The following OSBPL6 variants were observed in gnomAD, a reference collection of about 807,000 sequenced individuals.
OSBPL6 encodes oxysterol-binding protein-related protein 6.
In OSBPL6, 49 loss-of-function variants were observed where a neutral mutation model predicts 125.8. The ratio of observed to expected loss-of-function variants is 0.39; its 90% confidence interval spans 0.31 to 0.49. The LOEUF is 0.49. Ranked by LOEUF, OSBPL6 falls within the 20% of genes least tolerant of loss-of-function variation. OSBPL6 has a pLI of 0.88. For missense variants in OSBPL6, 986 were observed against 1,135.4 expected, an observed-to-expected ratio of 0.87 and a Z score of 1.89; for synonymous variants, 394 against 391.8, an observed-to-expected ratio of 1.01 and a Z score of -0.07.
chr2:178,310,887 C>G (rs1176265790), intron 3 of OSBPL6, among the ~76,000 whole-genome samples: 11 of 152,180 alleles, frequency 7.2e-5, no homozygotes, highest in Non-Finnish European at 2.9e-5. Context: ...CTTGCCACCT[C>G]CTCCCCCTCC....
intron 1 of OSBPL6, among the ~76,000 whole-genome samples, chr2:178,272,519 T>G (rs921806069): frequency 6.6e-6 from 1 of 152,190 alleles, no homozygotes; most frequent in African/African-American, 2.4e-5. Context: ...TTATCTAATT[T>G]GGAAGTATAT....
At chr2:178,233,165 C>T (rs1022006160) in intron 1 of OSBPL6, among the ~76,000 whole-genome samples, 1 of 152,164 alleles carries the variant, frequency 6.6e-6, no homozygotes, top group Non-Finnish European at 1.5e-5. Flanking sequence ...GTTCGATATT[C>T]TGAGGGCAGA....
intron 5 of OSBPL6, among the ~76,000 whole-genome samples, chr2:178,330,547 C>CA: frequency 6.6e-6 from 1 of 152,288 alleles, no homozygotes; most frequent in Admixed American, 6.5e-5. Context: ...GAACCTGTAA[C>CA]AAAGGGTTTA....
chr2:178,326,110 A>ATT (rs34323656), intron 4 of OSBPL6, among the ~76,000 whole-genome samples: 222 of 144,086 alleles, frequency 1.5e-3, no homozygotes, highest in South Asian at 4.2e-3. Context: ...TGGTGGAAGA[A>ATT]TTTTTTTTTT....
chr2:178,318,338 C>G (rs564591632), intron 3 of OSBPL6, among the ~76,000 whole-genome samples: 1 of 152,274 alleles, frequency 6.6e-6, no homozygotes, highest in African/African-American at 2.4e-5. Flanking sequence ...CAGAATTTCC[C>G]AGGTGTGCTG....
At chr2:178,266,928 T>A (rs1489165150) in intron 1 of OSBPL6, among the ~76,000 whole-genome samples, 3 of 152,192 alleles carry the variant, frequency 2.0e-5, no homozygotes, top group African/African-American at 7.2e-5. Context: ...ACTGGAACTC[T>A]CTGTGTCATT....
At chr2:178,196,326 A>C (rs946431524) in intron 1 of OSBPL6, among the ~76,000 whole-genome samples, 1 of 152,148 alleles carries the variant, frequency 6.6e-6, no homozygotes, top group Non-Finnish European at 1.5e-5. Flanking sequence ...ATTTTTCTTA[A>C]GGTAAAAATG....
At chr2:178,394,220 C>A in intron 23 of OSBPL6, 93 bp from the exon 24 acceptor site, 1 of 1,489,584 alleles carries the variant, frequency 6.7e-7, no homozygotes, top group South Asian at 1.2e-5. Flanking sequence ...ATTTTATGTT[C>A]ATAGCAATTA....
At chr2:178,365,771 C>T (rs1692770266) in intron 13 of OSBPL6, among the ~76,000 whole-genome samples, 1 of 152,192 alleles carries the variant, frequency 6.6e-6, no homozygotes, top group Non-Finnish European at 1.5e-5. Flanking sequence ...GAAACTTAAA[C>T]TTTCACACTT....
intron 2 of OSBPL6, among the ~76,000 whole-genome samples, chr2:178,295,040 C>T (rs981975040): frequency 6.6e-6 from 1 of 151,940 alleles, no homozygotes; most frequent in African/African-American, 2.4e-5. Flanking sequence ...TTTAATGAAA[C>T]TAACATTATA....
At chr2:178,285,807 T>C (rs1203553008) in intron 2 of OSBPL6, among the ~76,000 whole-genome samples, 1 of 152,226 alleles carries the variant, frequency 6.6e-6, no homozygotes, top group Non-Finnish European at 1.5e-5. Context: ...TTAATCGTCT[T>C]CGGGAGCTTT....
chr2:178,389,218 A>G, intron 21 of OSBPL6, 65 bp downstream of exon 21: 2 of 1,485,780 alleles, frequency 1.3e-6, no homozygotes, highest in Non-Finnish European at 1.8e-6. Context: ...AAGAAATAGA[A>G]TAATCACCTT....
intron 1 of OSBPL6, among the ~76,000 whole-genome samples, chr2:178,233,058 A>G (rs1364038225): frequency 1.3e-5 from 2 of 152,176 alleles, no homozygotes; most frequent in Admixed American, 6.5e-5. Flanking sequence ...TACTGCCTAG[A>G]TGGTAATTAT....
intron 1 of OSBPL6, among the ~76,000 whole-genome samples, chr2:178,271,566 C>T (rs564304792): frequency 6.6e-6 from 1 of 152,036 alleles, no homozygotes; most frequent in Admixed American, 6.6e-5. Flanking sequence ...ATTATGCAAA[C>T]CTTAGACTTA....
intron 11 of OSBPL6, among the ~76,000 whole-genome samples, chr2:178,347,734 A>T (rs917628396): frequency 1.3e-5 from 2 of 152,100 alleles, no homozygotes; most frequent in East Asian, 1.9e-4. Flanking sequence ...ATAGCCAGAA[A>T]TTTTCAGCCT....
At chr2:178,302,177 A>C (rs1262847836) in intron 2 of OSBPL6, among the ~76,000 whole-genome samples, 1 of 152,196 alleles carries the variant, frequency 6.6e-6, no homozygotes, top group African/African-American at 2.4e-5. Flanking sequence ...GAAAATGCAA[A>C]TGTTACAGCA....
chr2:178,244,924 G>A (rs1381646645), intron 1 of OSBPL6, among the ~76,000 whole-genome samples: 1 of 152,186 alleles, frequency 6.6e-6, no homozygotes, highest in Non-Finnish European at 1.5e-5. Flanking sequence ...GTTACAGATG[G>A]TATATTATCT....
Position 178,319,379 on chromosome 2 carries a change from G to A in OSBPL6, c.103-4798G>A, listed in dbSNP as rs6734556. Among the ~76,000 whole-genome samples the A allele has an allele frequency of 1.2e-3, 183 of 152,254 alleles. 1 individual carries two copies. The highest frequency in any genetic ancestry group is 4.4e-3 in the African/African-American group (182 of 41,556). ...TTTCTACTTCTCTATATCCACAGAA[G>A]ATTGTGGTAAAGAATGCTTTGTGAT... On this transcript the variant is annotated intron_variant, in intron 3 of 24. Coordinates refer to ENST00000190611, the MANE Select transcript of OSBPL6 (RefSeq NM_032523.4).
At chr2:178,290,933 C>CT (rs1479202807) in intron 2 of OSBPL6, among the ~76,000 whole-genome samples, 2 of 151,702 alleles carry the variant, frequency 1.3e-5, no homozygotes, top group Non-Finnish European at 2.9e-5. Flanking sequence ...ATATTTGTAT[C>CT]TTTTTTCTTT....
Sources: gnomAD v4.1 joint callset for allele counts (sites outside exome capture counted in the v4.1 genomes callset) on GRCh38, gnomAD v4.1.1 for gene constraint, MANE v1.5 for transcripts, NCBI Gene and HGNC (gene_info 2026-07-23, HGNC 2026-07-21) for gene names.